KCNN1: variants seen among roughly 807,000 people sequenced by gnomAD.
KCNN1 encodes the protein potassium calcium-activated channel subfamily N member 1, also known as small conductance calcium-activated potassium channel protein 1.
KCNN1 carries 20 observed loss-of-function variants against 44.7 expected under a neutral mutation model. The observed-to-expected ratio is 0.45, with a 90% CI of 0.32 to 0.65. The LOEUF (loss-of-function observed/expected upper bound fraction) is 0.65, where lower values mean the gene tolerates loss of function less well. Ranked by LOEUF, KCNN1 falls within the 30% of genes least tolerant of loss-of-function variation. The pLI is 0.05. For missense variants in KCNN1, 632 were observed against 785.3 expected (o/e 0.80, Z 2.33); for synonymous variants, 324 against 341.7 (o/e 0.95, Z 0.57).
intron 2 of KCNN1, among the ~76,000 whole-genome samples, chr19:17,959,843 G>A (rs1289241687): frequency 6.6e-6 from 1 of 152,128 alleles, no homozygotes; most frequent in African/African-American, 2.4e-5. Context: ...CTAGCACTTT[G>A]GGAGGCTGAG....
intron 2 of KCNN1, among the ~76,000 whole-genome samples, chr19:17,960,188 T>C (rs557977049): frequency 8.3e-4 from 126 of 152,186 alleles, no homozygotes; most frequent in African/African-American, 2.9e-3. Context: ...GCACTAGTGC[T>C]GAACCTCATG....
intron 2 of KCNN1, among the ~76,000 whole-genome samples, chr19:17,958,334 G>C (rs1273657539): frequency 6.6e-6 from 1 of 151,930 alleles, no homozygotes; most frequent in Non-Finnish European, 1.5e-5. Context: ...AAAAAAAATA[G>C]CTAGGCATGG....
At chr19:17,961,499 C>T (rs2031676805) in intron 2 of KCNN1, among the ~76,000 whole-genome samples, 1 of 152,116 alleles carries the variant, frequency 6.6e-6, no homozygotes, top group Non-Finnish European at 1.5e-5. Flanking sequence ...GATCGTGCCA[C>T]TGCACTCCAG....
At chr19:17,963,725 CTT>C (rs147435448), upstream of KCNN1, among the ~76,000 whole-genome samples, 123 of 139,676 alleles carry the variant, frequency 8.8e-4, no homozygotes, top group East Asian at 0.015. Context: ...ACTTCTGATA[CTT>C]TTTTTTTTTT....
chr19:17,970,608 C>T (rs1336576857), intron 1 of KCNN1, among the ~76,000 whole-genome samples: 6 of 152,034 alleles, frequency 3.9e-5, no homozygotes, highest in East Asian at 3.9e-4. Context: ...TGAGCCACCA[C>T]GCCCAGCCAG....
At chr19:17,961,118 G>A (rs184807555) in intron 2 of KCNN1, among the ~76,000 whole-genome samples, 164 of 149,606 alleles carry the variant, frequency 1.1e-3, no homozygotes, top group Admixed American at 2.9e-3. Flanking sequence ...CCCAGGAGGC[G>A]GAGGTTGCAG....
chr19:17,975,445 G>T (rs2032174929), intron 3 of KCNN1, among the ~76,000 whole-genome samples: 1 of 152,180 alleles, frequency 6.6e-6, no homozygotes, highest in African/African-American at 2.4e-5. Flanking sequence ...TGGGACTCTG[G>T]GACACACGGG....
chr19:17,981,255 AAAAG>A (rs1195225399), intron 3 of KCNN1, among the ~76,000 whole-genome samples: 1 of 150,986 alleles, frequency 6.6e-6, no homozygotes, highest in African/African-American at 2.4e-5. Context: ...AAGAAAAAGA[AAAAG>A]AAAGAAAAGA....
intron 3 of KCNN1, among the ~76,000 whole-genome samples, chr19:17,980,863 A>G (rs1196629923): frequency 6.6e-6 from 1 of 152,046 alleles, no homozygotes; most frequent in Non-Finnish European, 1.5e-5. Context: ...CTGTGATTGC[A>G]CCACTGCACT....
At chr19:17,977,386 C>T (rs989611968) in intron 3 of KCNN1, among the ~76,000 whole-genome samples, 4 of 151,724 alleles carry the variant, frequency 2.6e-5, no homozygotes, top group African/African-American at 9.7e-5. Flanking sequence ...CTGTCACCCA[C>T]ACTGGAATGC....
chr19:17,966,074 T>C (rs1193399340), upstream of KCNN1, among the ~76,000 whole-genome samples: 2 of 121,850 alleles, frequency 1.6e-5, no homozygotes, highest in Non-Finnish European at 1.8e-5. Context: ...CCTTCCTTCC[T>C]TCCTTCCTTC....
rs1333798707 is a variant in KCNN1, at chr19:17,974,499, C to T, written c.402+209C>T. 6.6e-6 allele frequency among the ~76,000 whole-genome samples: 1 copy of T among 152,126 alleles called. No individual in the cohort carries two copies. The highest frequency in any genetic ancestry group is 1.5e-5 in the Non-Finnish European group (1 of 68,008). ...TGGAGAAGGAAGGTTCCAGCCCATT[C>T]CCTGGCCAGGTGTCAAGGGGCTGCA... is the stretch of plus-strand genomic sequence containing the variant. On this transcript the variant is annotated intron_variant, in intron 2 of 9. Transcript: ENST00000684775. The surrounding 1 kb of genome is among the most constrained non-coding windows in gnomAD (Gnocchi z 7.3).
intron 3 of KCNN1, among the ~76,000 whole-genome samples, chr19:17,979,140 T>TA (rs71164334): frequency 0.18 from 18,203 of 103,242 alleles, 1,565 homozygotes; most frequent in Non-Finnish European, 0.21. Context: ...CCCTTCCTCT[T>TA]AAAAAAAAAA....
chr19:17,971,311 G>T (rs1348238568), intron 1 of KCNN1, among the ~76,000 whole-genome samples: 1 of 152,156 alleles, frequency 6.6e-6, no homozygotes, highest in Non-Finnish European at 1.5e-5. Flanking sequence ...GCACATGGGG[G>T]ACCCCTAGTG....
upstream of KCNN1, among the ~76,000 whole-genome samples, chr19:17,963,550 A>G (rs1001516320): frequency 6.6e-6 from 1 of 151,990 alleles, no homozygotes; most frequent in Non-Finnish European, 1.5e-5. Context: ...TCCTGACCTC[A>G]GGTGATCTGC....
At chr19:17,961,971 C>T (rs946020447) in intron 2 of KCNN1, among the ~76,000 whole-genome samples, 1 of 152,220 alleles carries the variant, frequency 6.6e-6, no homozygotes, top group Non-Finnish European at 1.5e-5. Flanking sequence ...ACCAGTCCAC[C>T]TGCGTAGCAA....
At chr19:17,990,813 A>AG (rs1366362065) in intron 7 of KCNN1, among the ~76,000 whole-genome samples, 3 of 150,704 alleles carry the variant, frequency 2.0e-5, no homozygotes, top group African/African-American at 4.9e-5. Flanking sequence ...AAAAAAAAAA[A>AG]AGAAAGAAAA....
intron 6 of KCNN1, among the ~76,000 whole-genome samples, chr19:17,988,790 A>G (rs751170311): frequency 6.6e-6 from 1 of 152,010 alleles, no homozygotes; most frequent in Non-Finnish European, 1.5e-5. Flanking sequence ...GGACGCCTGT[A>G]GTCCCATCCA....
chr19:17,963,820 G>C (rs746294130), upstream of KCNN1, among the ~76,000 whole-genome samples: 25 of 151,790 alleles, frequency 1.6e-4, no homozygotes, highest in Non-Finnish European at 3.4e-4. Flanking sequence ...CCACCTCCTG[G>C]GCTCGAGCGA....
Sources: gnomAD v4.1 joint callset for allele counts (sites outside exome capture counted in the v4.1 genomes callset) on GRCh38, gnomAD v4.1.1 for gene constraint, Gnocchi (gnomAD v3.1) non-coding constraint, MANE v1.5 for transcripts, NCBI Gene and HGNC (gene_info 2026-07-23, HGNC 2026-07-21) for gene names.